The following DSCAM variants were observed in gnomAD, a reference collection of about 807,000 sequenced individuals.
DSCAM encodes the protein cell adhesion molecule DSCAM.
In DSCAM, 47 loss-of-function variants were observed where a neutral mutation model predicts 217.7. The observed-to-expected ratio is 0.22, with a 90% CI of 0.17 to 0.28. The LOEUF is 0.28. Ranked by LOEUF, DSCAM falls within the 10% of genes least tolerant of loss-of-function variation. The probability of loss-of-function intolerance (pLI) is 1.00; values close to 1 mark genes in which losing one functional copy is unlikely to be tolerated. For missense variants in DSCAM, 2,080 were observed against 2,618.3 expected (o/e 0.79, Z 4.49); for synonymous variants, 1,056 against 1,015.3 (o/e 1.04, Z -0.76).
chr21:40,578,036 C>G (rs1345774990), intron 3 of DSCAM, among the ~76,000 whole-genome samples: 2 of 152,064 alleles, frequency 1.3e-5, no homozygotes, highest in Non-Finnish European at 2.9e-5. Flanking sequence ...GGAAACAAGC[C>G]TAAAAACAGA....
intron 18 of DSCAM, among the ~76,000 whole-genome samples, chr21:40,141,609 C>A (rs1203512517): frequency 6.6e-6 from 1 of 151,918 alleles, no homozygotes; most frequent in Non-Finnish European, 1.5e-5. Flanking sequence ...CAGAGGGAGA[C>A]CCTGTCTCAA....
At chr21:40,731,469 C>A (rs1186415933) in intron 1 of DSCAM, among the ~76,000 whole-genome samples, 2 of 152,100 alleles carry the variant, frequency 1.3e-5, no homozygotes, top group Non-Finnish European at 2.9e-5. Flanking sequence ...AACAAAATAC[C>A]ATAAGCCAGG....
chr21:40,662,030 A>C (rs2090143629), intron 3 of DSCAM, among the ~76,000 whole-genome samples: 1 of 152,248 alleles, frequency 6.6e-6, no homozygotes, highest in Non-Finnish European at 1.5e-5. Flanking sequence ...ATAAAGTAAC[A>C]TGCCCAGCCT....
intron 3 of DSCAM, among the ~76,000 whole-genome samples, chr21:40,440,069 T>G (rs1452210578): frequency 1.3e-5 from 2 of 152,182 alleles, no homozygotes; most frequent in Non-Finnish European, 2.9e-5. Flanking sequence ...TAAAGCAACC[T>G]GGGTCTTCTG....
chr21:40,296,833 A>AG (rs1414971969), intron 9 of DSCAM, among the ~76,000 whole-genome samples: 2 of 90,974 alleles, frequency 2.2e-5, no homozygotes, highest in African/African-American at 1.3e-4. Context: ...CTCCATCTCA[A>AG]AAAAAAAAAA....
chr21:40,231,477 T>C (rs974919858), intron 11 of DSCAM, among the ~76,000 whole-genome samples: 6 of 152,054 alleles, frequency 3.9e-5, no homozygotes, highest in African/African-American at 1.4e-4. Context: ...GAAAACTTGT[T>C]GATTTTCAGT....
chr21:40,804,410 G>A (rs1198776655), intron 1 of DSCAM, among the ~76,000 whole-genome samples: 3 of 151,950 alleles, frequency 2.0e-5, no homozygotes, highest in Admixed American at 6.6e-5. Context: ...TCTTTCCATT[G>A]CCATTGCCTC....
chr21:40,179,077 G>T lies in DSCAM; in HGVS notation c.2797C>A (p.Gln933Lys). ...TGAGGGGAAACATCTTTGGTTCTCT[G>T]AGCAGAATCCCAGGAGTCTTTTGGG... is the stretch of plus-strand genomic sequence containing the variant. Reference protein sequence around the residue: ...KNKSDSWDSAQRTKDVSPQLN... With the variant: ...KNKSDSWDSAKRTKDVSPQLN... The change falls in exon 15 of 33, where the codon CAG (glutamine) becomes AAG (lysine). Residue 933 changes from glutamine (Q) to lysine (K), a missense_variant. Coordinates refer to ENST00000400454, the MANE Select transcript of DSCAM (RefSeq NM_001389.5). 1 of 1,606,698 alleles carries T rather than the reference G, an allele frequency of 6.2e-7. No homozygotes were observed. The highest frequency in any genetic ancestry group is 1.1e-5 in the South Asian group (1 of 90,920).
At chr21:40,645,213 G>A (rs982733179) in intron 3 of DSCAM, among the ~76,000 whole-genome samples, 6 of 152,088 alleles carry the variant, frequency 3.9e-5, no homozygotes, top group Non-Finnish European at 7.4e-5. Context: ...GAAAGCCACA[G>A]CAATTAAAGA....
chr21:40,407,097 A>C lies in DSCAM; in HGVS notation c.509-37852T>G, dbSNP rs2075285774. Among the ~76,000 whole-genome samples the C allele has an allele frequency of 2.0e-5, 3 of 152,202 alleles. No individual in the cohort carries two copies. In the South Asian group the frequency reaches 6.2e-4, roughly 32 times the overall value. On this transcript the variant is annotated intron_variant, in intron 3 of 32. Transcript: ENST00000400454. ...AACATAGCAACTATAGTTAATAGCA[A>C]TGTATTGTATACCTGAAAATCATTA... is the stretch of plus-strand genomic sequence containing the variant.
In DSCAM at chr21:40,178,349, G is replaced by C. The variant is rs1217654953; in HGVS notation, c.2947+578C>G. ...TCTCAGTGGGAAAATGATGGAAGCT[G>C]TTTTGCCTTCTCCACAATGCTTATC... On this transcript the variant is annotated intron_variant, in intron 15 of 32. Coordinates refer to ENST00000400454, the MANE Select transcript of DSCAM (RefSeq NM_001389.5). Among the ~76,000 whole-genome samples the C allele has an allele frequency of 3.3e-5, 5 of 152,164 alleles. No individual in the cohort carries two copies. The East Asian group carries it at 9.6e-4, about 29-fold the overall frequency.
At chr21:40,106,902 T>TTTA (rs1008467785) in intron 20 of DSCAM, among the ~76,000 whole-genome samples, 1 of 148,338 alleles carries the variant, frequency 6.7e-6, no homozygotes, top group African/African-American at 2.5e-5. Context: ...TCTATTTTAT[T>TTTA]TTTTTTTTCA....
intron 9 of DSCAM, among the ~76,000 whole-genome samples, chr21:40,311,347 T>C (rs1364398891): frequency 6.6e-6 from 1 of 152,232 alleles, no homozygotes; most frequent in African/African-American, 2.4e-5. Flanking sequence ...TGATATACAT[T>C]AGAGAACACT....
chr21:40,341,832 C>T (rs1469553185), intron 6 of DSCAM, among the ~76,000 whole-genome samples: 2 of 152,158 alleles, frequency 1.3e-5, no homozygotes, highest in Non-Finnish European at 2.9e-5. Flanking sequence ...TATCCCTCGT[C>T]ACTGTTTTTT....
At chr21:40,196,623 C>T (rs2091012846) in intron 11 of DSCAM, among the ~76,000 whole-genome samples, 1 of 151,550 alleles carries the variant, frequency 6.6e-6, no homozygotes, top group South Asian at 2.1e-4. Context: ...GTTCCTCCCT[C>T]CCAATTTTTT....
In DSCAM at chr21:40,256,472, CAG is replaced by C. The variant is rs1008272264; in HGVS notation, c.2356+19623_2356+19624del. Among the ~76,000 whole-genome samples the C allele has an allele frequency of 7.3e-5, 11 of 151,312 alleles. 1 individual carries two copies. The highest frequency in any genetic ancestry group is 2.4e-4 in the African/African-American group (10 of 41,108). On this transcript the variant is annotated intron_variant, in intron 11 of 32. Transcript: ENST00000400454. ...AGACAGACACACACACACAAAGAGA[CAG>C]AGAGATTTATGATAAGGAACCACTC...
At chr21:40,734,402 T>G (rs1166872754) in intron 1 of DSCAM, among the ~76,000 whole-genome samples, 2 of 152,214 alleles carry the variant, frequency 1.3e-5, no homozygotes, top group Admixed American at 6.5e-5. Context: ...ATGGGTGCCA[T>G]GCTTGGATGC....
chr21:40,115,687 G>A (rs1471323844), intron 20 of DSCAM, among the ~76,000 whole-genome samples: 2 of 152,178 alleles, frequency 1.3e-5, no homozygotes, highest in African/African-American at 4.8e-5. Flanking sequence ...AAAAAGGGAT[G>A]CTCATACACT....
chr21:40,676,217 G>C (rs1422656105), intron 3 of DSCAM, among the ~76,000 whole-genome samples: 1 of 152,132 alleles, frequency 6.6e-6, no homozygotes. Flanking sequence ...TAAAACAAGA[G>C]AGAAACATTC....
Sources: gnomAD v4.1 joint callset for allele counts (sites outside exome capture counted in the v4.1 genomes callset) on GRCh38, gnomAD v4.1.1 for gene constraint, MANE v1.5 for transcripts, NCBI Gene and HGNC (gene_info 2026-07-23, HGNC 2026-07-21) for gene names.